Variants in SYTL1 observed in about 807,000 individuals in gnomAD.
SYTL1 encodes synaptotagmin like 1.
In SYTL1, 53 loss-of-function variants were observed where a neutral mutation model predicts 74.6. The observed-to-expected ratio is 0.71, with a 90% CI of 0.57 to 0.89. SYTL1 has a LOEUF of 0.89. Among genes scored for constraint, SYTL1 ranks in the 40% least tolerant of loss-of-function variants. The pLI is 0.00. For synonymous variants in SYTL1, 329 were observed against 324.9 expected (o/e 1.01, Z -0.14); for missense variants, 728 against 768.7 (o/e 0.95, Z 0.63).
Position 27,347,410 on chromosome 1 carries a change from C to T in SYTL1, c.192-11C>T, listed in dbSNP as rs574411962. On this transcript the variant is annotated splice_polypyrimidine_tract_variant and intron_variant, in intron 2 of 14. Transcript: ENST00000616558. The surrounding 1 kb of genome is among the most constrained non-coding windows in gnomAD (Gnocchi z 4.9). Reference sequence around the variant, plus strand: ...TGAGTCATGACAGCCACACCCTCCCCCTTCCTCCAGCAAGCTCCGGGCCTC... The same window carrying T: ...TGAGTCATGACAGCCACACCCTCCCTCTTCCTCCAGCAAGCTCCGGGCCTC... The T allele has an allele frequency of 1.9e-6, 3 of 1,614,002 alleles. No homozygotes were observed. The highest frequency in any genetic ancestry group is 1.1e-5 in the South Asian group (1 of 91,084).
At position 27,353,435 on chromosome 1, in the gene SYTL1, A is replaced by G. The variant is rs745778047; in HGVS notation, c.1496A>G (p.His499Arg). Residue 499 changes from histidine (H) to arginine (R), a missense_variant, in exon 14 of 15, where the codon CAT becomes CGT. By Grantham distance (29) the His-to-Arg change is conservative. Coordinates refer to ENST00000616558, the MANE Select transcript of SYTL1 (RefSeq NM_001193308.2). The part of the protein sequence containing the change: ...QACAELSLWD[H>R]GALANRQLGG... ...TGTGCCGAGCTCTCCCTCTGGGACC[A>G]TGGGGCCCTGGCCAACCGCCAGCTG... 14 of 1,610,336 alleles carry G rather than the reference A, an allele frequency of 8.7e-6. No homozygotes were observed. In the South Asian group the frequency reaches 1.4e-4, roughly 17 times the overall value.
chr1:27,349,641 C>T lies in SYTL1; in HGVS notation c.634-11C>T, dbSNP rs771006053. On this transcript the variant is annotated splice_polypyrimidine_tract_variant and intron_variant, in intron 7 of 14. Transcript: ENST00000616558. ...AAAGAAGGGGCGCCCCGTCACTTGC[C>T]CCCTCTGCAGACCAAGGCCGCGTCC... 3.1e-6 allele frequency: 5 copies of T among 1,600,040 alleles called. No individual in the cohort carries two copies. Among genetic ancestry groups the T allele is most frequent in the Non-Finnish European group, 4.3e-6 (5 of 1,174,102 alleles).
In SYTL1 at chr1:27,351,319, T is replaced by C; in HGVS notation, c.1226T>C (p.Val409Ala). The change falls in exon 12 of 15, where the codon GTC becomes GCC. Residue 409 changes from valine to alanine, a missense_variant. Transcript: ENST00000616558. The surrounding 1 kb of genome is among the most constrained non-coding windows in gnomAD (Gnocchi z 5.0). ...RGLLALSLKY[V>A]PAGSEGAGLP... ...TTACTCGCCCTGTCCCTCAAGTACG[T>C]CCCCGCCGGCTCCGAGGGTGAGTGA... 6.4e-7 allele frequency: 1 copy of C among 1,555,700 alleles called. No homozygotes were observed. Among genetic ancestry groups the C allele is most frequent in the Non-Finnish European group, 8.7e-7 (1 of 1,149,906 alleles).
Position 27,350,195 on chromosome 1 carries a change from C to A in SYTL1, c.908+63C>A, listed in dbSNP as rs1166663998. 4.1e-6 allele frequency: 6 copies of A among 1,469,890 alleles called. No individual in the cohort carries two copies. The highest frequency in any genetic ancestry group is 5.5e-6 in the Non-Finnish European group (6 of 1,098,570). The allele number at this position is 1,469,890 out of a possible 1,614,324, so 91.1% of individuals were successfully genotyped here. A position where few individuals can be genotyped will look rare whatever the true frequency, so the allele number is the denominator to read the frequency against. On this transcript the variant is annotated intron_variant, in intron 9 of 14. Coordinates refer to ENST00000616558, the MANE Select transcript of SYTL1 (RefSeq NM_001193308.2). The surrounding 1 kb of genome is among the most constrained non-coding windows in gnomAD (Gnocchi z 6.3). ...CAGCCCAGCCCACCATTCACAGGGTCTCGGCCTCCTCGTCCTCATCTTCAA... is the reference window on the plus strand; with the variant it reads ...CAGCCCAGCCCACCATTCACAGGGTATCGGCCTCCTCGTCCTCATCTTCAA...
Position 27,351,712 on chromosome 1 carries a change from GGGAAGTTGA to G in SYTL1, c.1343+161_1343+169del. 1.8e-6 allele frequency: 1 copy of G among 549,384 alleles called. No individual in the cohort carries two copies. Among genetic ancestry groups the G allele is most frequent in the South Asian group, 2.5e-5 (1 of 40,238 alleles). The allele number at this position is 549,384 out of a possible 1,614,324, so 34.0% of individuals were successfully genotyped here. A position where few individuals can be genotyped will look rare whatever the true frequency, so the allele number is the denominator to read the frequency against. On this transcript the variant is annotated intron_variant, in intron 13 of 14. Coordinates refer to ENST00000616558, the MANE Select transcript of SYTL1 (RefSeq NM_001193308.2). This position sits in a 1 kb window ranked among gnomAD's most constrained non-coding sequence, Gnocchi z 5.0. ...CGGTTTGAGCAAAGGCCTGGAGTCA[GGGAAGTTGA>G]GGACACCTTTGAGGAGCTGCATTTC...
chr1:27,351,157 C>G lies in SYTL1; in HGVS notation c.1165-101C>G. On this transcript the variant is annotated intron_variant, in intron 11 of 14. Coordinates refer to ENST00000616558, the MANE Select transcript of SYTL1 (RefSeq NM_001193308.2). This position sits in a 1 kb window ranked among gnomAD's most constrained non-coding sequence, Gnocchi z 5.0. ...CCCTAGGTTCTGCCCCTGCAGGCCC[C>G]GCCGTCTCTTCTAGCCGCACCCCAT... The G allele has an allele frequency of 7.0e-7, 1 of 1,423,708 alleles. No individual in the cohort carries two copies. Among genetic ancestry groups the G allele is most frequent in the East Asian group, 2.5e-5 (1 of 40,142 alleles). The allele number at this position is 1,423,708 out of a possible 1,614,324, so 88.2% of individuals were successfully genotyped here. A position where few individuals can be genotyped will look rare whatever the true frequency, so the allele number is the denominator to read the frequency against.
chr1:27,349,295 G>T lies in SYTL1; in HGVS notation c.533-103G>T, dbSNP rs1002033889. 1.0e-5 allele frequency: 15 copies of T among 1,457,728 alleles called. No individual in the cohort carries two copies. In the African/African-American group the frequency reaches 2.1e-4, roughly 21 times the overall value. 90.3% of individuals were successfully genotyped at this position (1,457,728 alleles called of 1,614,324 possible). A position where few individuals can be genotyped will look rare whatever the true frequency, so the allele number is the denominator to read the frequency against. ...GTGGGGACGATCCCAGGGCAGCACC[G>T]GGGCCTGAATCTGCAGCTCGCTGGG... On this transcript the variant is annotated intron_variant, in intron 6 of 14. Coordinates refer to ENST00000616558, the MANE Select transcript of SYTL1 (RefSeq NM_001193308.2).
intron 13 of SYTL1, 190 bp from the exon 14 acceptor site, chr1:27,353,093 G>A (rs1159929107): frequency 4.7e-6 from 3 of 635,444 alleles, no homozygotes; most frequent in African/African-American, 1.8e-5. Flanking sequence ...GCCAGGAGCT[G>A]TAACTTTTAA....
In SYTL1 at chr1:27,350,039, T is replaced by A; in HGVS notation, c.815T>A (p.Phe272Tyr). ...GTGCAGGTCCGCGGCTCCGTGCACT[T>A]CGCGCTGCACTACGAGCCGGGCGCC... ...EAVQVRGSVH[F>Y]ALHYEPGAAE... The change falls in exon 9 of 15, where the codon TTC becomes TAC. Residue 272 changes from phenylalanine to tyrosine, a missense_variant. By Grantham distance (22) the Phe-to-Tyr change is conservative. Transcript: ENST00000616558. This position sits in a 1 kb window ranked among gnomAD's most constrained non-coding sequence, Gnocchi z 6.3. 1 of 1,538,610 alleles carries A rather than the reference T, an allele frequency of 6.5e-7. No homozygotes were observed. Among genetic ancestry groups the A allele is most frequent in the Non-Finnish European group, 8.7e-7 (1 of 1,152,208 alleles).
Position 27,349,500 on chromosome 1 carries a change from T to C in SYTL1, c.633+2T>C. ...GAGCCGCGGCCCCAGCAAGCCCAGG[T>C]AGGCGGGAGTGGCCCGTGGCTGCTC... is the stretch of plus-strand genomic sequence containing the variant. On this transcript the variant is annotated splice_donor_variant, in intron 7 of 14. Coordinates refer to ENST00000616558, the MANE Select transcript of SYTL1 (RefSeq NM_001193308.2). LOFTEE classifies it high-confidence loss of function. 6.9e-7 allele frequency: 1 copy of C among 1,452,142 alleles called. No homozygotes were observed. 90.0% of individuals were successfully genotyped at this position (1,452,142 alleles called of 1,614,324 possible).
rs1172132625 is a variant in SYTL1 at position 27,353,843 on chromosome 1, C to T, written c.1680C>T (p.Pro560=). 1.9e-6 allele frequency: 3 copies of T among 1,613,450 alleles called. No homozygotes were observed. Among genetic ancestry groups the T allele is most frequent in the East Asian group, 2.2e-5 (1 of 44,882 alleles). ...TACCCCTCAGAACCAACCTGGCCCC[C>T]AGGACGTAGCCCCACCAAGCCTCTC... is the stretch of plus-strand genomic sequence containing the variant. ...GLLPLRTNLA[P]RT The change falls in exon 15 of 15, where the codon CCC becomes CCT. Residue 560 remains proline (P), a synonymous_variant. Transcript: ENST00000616558.
chr1:27,346,801 C>T (rs2015022183), intron 2 of SYTL1, among the ~76,000 whole-genome samples: 1 of 151,624 alleles, frequency 6.6e-6, no homozygotes, highest in Admixed American at 6.6e-5. Context: ...AATTATTATC[C>T]TTCTCTACCT....
At position 27,345,245 on chromosome 1, in the gene SYTL1, G is replaced by A; in HGVS notation, c.-38-52G>A. On this transcript the variant is annotated intron_variant, in intron 1 of 14. Coordinates refer to ENST00000616558, the MANE Select transcript of SYTL1 (RefSeq NM_001193308.2). The surrounding 1 kb of genome is among the most constrained non-coding windows in gnomAD (Gnocchi z 6.0). Reference sequence around the variant, plus strand: ...GGGAGAAAAGGGCTGTTGGTTCTAGGATGTGCCAAGCATTTGTGCAGGGCT... The same window carrying A: ...GGGAGAAAAGGGCTGTTGGTTCTAGAATGTGCCAAGCATTTGTGCAGGGCT... 9.8e-7 allele frequency: 1 copy of A among 1,025,518 alleles called. No homozygotes were observed. Among genetic ancestry groups the A allele is most frequent in the Non-Finnish European group, 1.4e-6 (1 of 728,756 alleles). 63.5% of individuals were successfully genotyped at this position (1,025,518 alleles called of 1,614,324 possible).
rs2015146361 is a variant in SYTL1 at position 27,349,477 on chromosome 1, G to A, written c.612G>A (p.Glu204=). Residue 204 remains glutamate, a synonymous_variant, in exon 7 of 15, where the codon GAG becomes GAA. Transcript: ENST00000616558. The part of the protein sequence containing the change: ...ELEPASGGEQ[E]PRPQQAQTKA... ...AGCCCGCGTCGGGGGGAGAGCAGGA[G>A]CCGCGGCCCCAGCAAGCCCAGGTAG... The A allele has an allele frequency of 6.9e-7, 1 of 1,454,882 alleles. No individual in the cohort carries two copies. The highest frequency in any genetic ancestry group is 9.1e-7 in the Non-Finnish European group (1 of 1,103,278). The allele number at this position is 1,454,882 out of a possible 1,614,324, so 90.1% of individuals were successfully genotyped here. A position where few individuals can be genotyped will look rare whatever the true frequency, so the allele number is the denominator to read the frequency against.
In SYTL1 at chr1:27,347,984, C is replaced by T; in HGVS notation, c.431C>T (p.Ala144Val). 1 of 1,614,122 alleles carries T rather than the reference C, an allele frequency of 6.2e-7. No individual in the cohort carries two copies. The highest frequency in any genetic ancestry group is 1.1e-5 in the South Asian group (1 of 91,084). The change falls in exon 5 of 15, where the codon GCC becomes GTC. Residue 144 changes from alanine (A) to valine (V), a missense_variant. Transcript: ENST00000616558. The surrounding 1 kb of genome is among the most constrained non-coding windows in gnomAD (Gnocchi z 4.9). ...ACTCCTAGGCTCACCATTGATGAGG[C>T]CCCTCAGGAGAGGCTCAGGGAGACT... is the stretch of plus-strand genomic sequence containing the variant. Reference protein sequence around the residue: ...GPEPRLTIDEAPQERLRETEG... With the variant: ...GPEPRLTIDEVPQERLRETEG...
chr1:27,351,768 A>G lies in SYTL1; in HGVS notation c.1343+213A>G. 2.1e-6 allele frequency: 1 copy of G among 480,314 alleles called. No individual in the cohort carries two copies. The highest frequency in any genetic ancestry group is 3.6e-6 in the Non-Finnish European group (1 of 274,124). The allele number at this position is 480,314 out of a possible 1,614,324, so 29.8% of individuals were successfully genotyped here. On this transcript the variant is annotated intron_variant, in intron 13 of 14. Coordinates refer to ENST00000616558, the MANE Select transcript of SYTL1 (RefSeq NM_001193308.2). This position sits in a 1 kb window ranked among gnomAD's most constrained non-coding sequence, Gnocchi z 5.0. ...TTTCAGCGTGACTGGCGCCTATAGG[A>G]CTTGTTGAAAAGCTGAGGCTGAGGG... is the stretch of plus-strand genomic sequence containing the variant.
At position 27,343,068 on chromosome 1, in the gene SYTL1, G is replaced by A. The variant is rs1345838658; in HGVS notation, c.-39+918G>A. Among the ~76,000 whole-genome samples the A allele has an allele frequency of 2.0e-5, 3 of 152,356 alleles. No homozygotes were observed. Among genetic ancestry groups the A allele is most frequent in the African/African-American group, 7.2e-5 (3 of 41,586 alleles). Reference sequence around the variant, plus strand: ...GCTGGGAGGGGACAGAGCATAGCAGGCGGCGGACACAAGCCAGGACCTGCC... The same window carrying A: ...GCTGGGAGGGGACAGAGCATAGCAGACGGCGGACACAAGCCAGGACCTGCC... On this transcript the variant is annotated intron_variant, in intron 1 of 14. Transcript: ENST00000616558. The surrounding 1 kb of genome is among the most constrained non-coding windows in gnomAD (Gnocchi z 5.2).
At chr1:27,353,598 T>C in intron 14 of SYTL1, 110 bp downstream of exon 14, 1 of 1,542,304 alleles carries the variant, frequency 6.5e-7, no homozygotes, top group Non-Finnish European at 8.8e-7. Flanking sequence ...TGATATCTAC[T>C]GAGAACTGAG....
chr1:27,347,488 G>C lies in SYTL1; in HGVS notation c.259G>C (p.Ala87Pro). The change falls in exon 3 of 15, where the codon GCA becomes CCA. Residue 87 changes from alanine to proline, a missense_variant. Transcript: ENST00000616558. This position sits in a 1 kb window ranked among gnomAD's most constrained non-coding sequence, Gnocchi z 4.9. ...KILTGDWFQEARSQRHHNAHF... is the reference protein window; with the variant it reads ...KILTGDWFQEPRSQRHHNAHF... ...CCTGACAGGGGACTGGTTCCAGGAA[G>C]CACGCTCCCAGCGGCACCACAATGC... is the stretch of plus-strand genomic sequence containing the variant. The C allele has an allele frequency of 6.2e-7, 1 of 1,614,152 alleles. No individual in the cohort carries two copies. The highest frequency in any genetic ancestry group is 8.5e-7 in the Non-Finnish European group (1 of 1,180,052).
Sources: gnomAD v4.1 joint callset for allele counts (sites outside exome capture counted in the v4.1 genomes callset) on GRCh38, gnomAD v4.1.1 for gene constraint, Gnocchi (gnomAD v3.1) non-coding constraint, MANE v1.5 for transcripts, NCBI Gene and HGNC (gene_info 2026-07-23, HGNC 2026-07-21) for gene names.